CDH4: variants seen among roughly 807,000 people sequenced by gnomAD.
The protein encoded by CDH4 is cadherin-4.
A neutral mutation model predicts 86.0 loss-of-function variants in CDH4; 33 were observed. The ratio of observed to expected loss-of-function variants is 0.38; its 90% CI spans 0.29 to 0.51. The LOEUF (loss-of-function observed/expected upper bound fraction) is 0.51. Ranked by LOEUF, CDH4 falls within the 20% of genes least tolerant of loss-of-function variation. The probability of loss-of-function intolerance (pLI) is 0.86; values close to 1 mark genes in which losing one functional copy is unlikely to be tolerated. For synonymous variants in CDH4, 555 were observed against 549.4 expected (o/e 1.01, Z -0.14); for missense variants, 1,114 against 1,307.4 (o/e 0.85, Z 2.28).
chr20:61,932,985 C>G lies in CDH4; in HGVS notation c.2240C>G (p.Thr747Ser). Residue 747 changes from threonine (T) to serine (S), a missense_variant and splice_region_variant, in exon 14 of 16, where the codon ACC becomes AGC. By Grantham distance (58) the Thr-to-Ser change is moderately conservative. Around this residue, in one of 3 missense-constraint regions of CDH4, gnomAD observed 705 missense variants for 914.1 expected, o/e 0.77. Coordinates refer to ENST00000614565, the MANE Select transcript of CDH4 (RefSeq NM_001794.5). ...GCTCACGGGCAGCCCTCCCCCACAG[C>G]CATGGTCCTGCTGTTTGTCATGTGG... ...AILICILILLTMVLLFVMWMK... is the reference protein window; with the variant it reads ...AILICILILLSMVLLFVMWMK... 6.2e-7 allele frequency: 1 copy of G among 1,612,408 alleles called. No homozygotes were observed. The highest frequency in any genetic ancestry group is 8.5e-7 in the Non-Finnish European group (1 of 1,179,238).
intron 2 of CDH4, among the ~76,000 whole-genome samples, chr20:61,554,797 T>G (rs561440008): frequency 1.3e-5 from 2 of 152,256 alleles, no homozygotes; most frequent in East Asian, 3.9e-4. Flanking sequence ...TTTTCACACG[T>G]GCACATGTAT....
chr20:61,793,954 C>T (rs142527311), intron 4 of CDH4, among the ~76,000 whole-genome samples: 6,237 of 146,796 alleles, frequency 0.042, 191 homozygotes, highest in Middle Eastern at 0.087. Flanking sequence ...CTGACTAACA[C>T]GGTGAAACCT....
intron 2 of CDH4, among the ~76,000 whole-genome samples, chr20:61,303,669 C>T (rs1468377933): frequency 4.6e-5 from 7 of 152,210 alleles, no homozygotes; most frequent in East Asian, 3.9e-4. Flanking sequence ...TCACCTCCAG[C>T]GCCATTGCTT....
At position 61,929,909 on chromosome 20, in the gene CDH4, G is replaced by C. The variant is rs2298163; in HGVS notation, c.2239+67G>C. The C allele has an allele frequency of 8.3e-4, 1,081 of 1,297,798 alleles. 18 individuals carry two copies. The East Asian group carries it at 0.023, about 28-fold the overall frequency. 80.4% of individuals were successfully genotyped at this position (1,297,798 alleles called of 1,614,324 possible). On this transcript the variant is annotated intron_variant, in intron 13 of 15. Transcript: ENST00000614565. ...GTATGAGTGCCCTGTCCCAGGCATG[G>C]TGGGCAGAGGGGGGCCTGGATTTGC...
At chr20:61,608,314 T>A (rs531758868) in intron 2 of CDH4, among the ~76,000 whole-genome samples, 2 of 152,278 alleles carry the variant, frequency 1.3e-5, no homozygotes, top group South Asian at 4.1e-4. Context: ...GTTAATAAAT[T>A]TACCAAATGG....
At chr20:61,765,706 C>T (rs953879018) in intron 3 of CDH4, among the ~76,000 whole-genome samples, 7 of 152,076 alleles carry the variant, frequency 4.6e-5, no homozygotes, top group South Asian at 2.1e-4. Flanking sequence ...ACAGCAAGAC[C>T]GGGGCCAGGA....
chr20:61,566,475 G>A (rs556247763), intron 2 of CDH4, among the ~76,000 whole-genome samples: 45 of 152,218 alleles, frequency 3.0e-4, no homozygotes, highest in Admixed American at 1.2e-3. Context: ...GGTTGCCAGC[G>A]TAGAACGCTC....
At chr20:61,634,655 C>G (rs975578478) in intron 2 of CDH4, among the ~76,000 whole-genome samples, 5 of 152,242 alleles carry the variant, frequency 3.3e-5, no homozygotes, top group Non-Finnish European at 5.9e-5. Flanking sequence ...TTTTTTCCCA[C>G]TGTGGTAAAC....
rs557367688 is a variant in CDH4, at chr20:61,544,818, C to G, written c.170-198745C>G. On this transcript the variant is annotated intron_variant, in intron 2 of 15. Coordinates refer to ENST00000614565, the MANE Select transcript of CDH4 (RefSeq NM_001794.5). This position sits in a 1 kb window ranked among gnomAD's most constrained non-coding sequence, Gnocchi z 6.5. ...GCCCTCCCTGCCCCCGAGGAAGGAA[C>G]CTTGTTCCTCGGTTATAAAACTTGA... Among the ~76,000 whole-genome samples the G allele has an allele frequency of 3.3e-5, 5 of 152,068 alleles. No individual in the cohort carries two copies. Among genetic ancestry groups the G allele is most frequent in the Admixed American group, 1.3e-4 (2 of 15,280 alleles).
intron 2 of CDH4, among the ~76,000 whole-genome samples, chr20:61,276,066 C>T (rs554794613): frequency 1.1e-4 from 17 of 152,236 alleles, no homozygotes; most frequent in East Asian, 1.9e-4. Flanking sequence ...TGATACGGGA[C>T]GTGCAGAGAT....
chr20:61,429,755 GTGGATGGA>G lies in CDH4; in HGVS notation c.169+174842_169+174849del, dbSNP rs111226650. Among the ~76,000 whole-genome samples the G allele has an allele frequency of 5.7e-5, 8 of 141,310 alleles. No individual in the cohort carries two copies. In the East Asian group the frequency reaches 1.0e-3, roughly 18 times the overall value. The allele number at this position is 141,310 out of a possible 152,430, so 92.7% of individuals were successfully genotyped here. ...AATAGATGGATGGATGGATAGGTGT[GTGGATGGA>G]TGGATGGATGGATGGATGGATGGGT... On this transcript the variant is annotated intron_variant, in intron 2 of 15. Transcript: ENST00000614565.
chr20:61,741,860 A>C (rs1381651136), intron 2 of CDH4, among the ~76,000 whole-genome samples: 1 of 152,030 alleles, frequency 6.6e-6, no homozygotes, highest in Admixed American at 6.6e-5. Flanking sequence ...TTTTAACTAC[A>C]ACACTGTGTT....
intron 2 of CDH4, among the ~76,000 whole-genome samples, chr20:61,556,064 C>A (rs1181596465): frequency 6.6e-6 from 1 of 152,164 alleles, no homozygotes; most frequent in Admixed American, 6.5e-5. Flanking sequence ...TTGGTGTACC[C>A]CCCATGTGGG....
intron 2 of CDH4, among the ~76,000 whole-genome samples, chr20:61,694,059 A>T (rs2087690630): frequency 6.6e-6 from 1 of 151,056 alleles, no homozygotes; most frequent in Non-Finnish European, 1.5e-5. Flanking sequence ...CACCCAGCTA[A>T]TTTCTTGTAT....
chr20:61,632,486 G>A (rs2086898153), intron 2 of CDH4, among the ~76,000 whole-genome samples: 1 of 152,088 alleles, frequency 6.6e-6, no homozygotes, highest in Non-Finnish European at 1.5e-5. Context: ...GGGCCTCCGG[G>A]AAATGACTTT....
chr20:61,352,126 C>G (rs1473095863), intron 2 of CDH4, among the ~76,000 whole-genome samples: 2 of 152,174 alleles, frequency 1.3e-5, no homozygotes, highest in African/African-American at 4.8e-5. Flanking sequence ...TCTGTGCTCA[C>G]TCACCGTCTG....
At chr20:61,490,518 G>A (rs1425038212) in intron 2 of CDH4, among the ~76,000 whole-genome samples, 2 of 152,150 alleles carry the variant, frequency 1.3e-5, no homozygotes, top group Non-Finnish European at 2.9e-5. Context: ...GGCCAACGTG[G>A]TGAAACCCTG....
At chr20:61,309,572 A>G (rs1326037878) in intron 2 of CDH4, among the ~76,000 whole-genome samples, 2 of 152,248 alleles carry the variant, frequency 1.3e-5, no homozygotes, top group African/African-American at 4.8e-5. Flanking sequence ...AGGCAAAAAA[A>G]GGAGGGAAAA....
intron 2 of CDH4, among the ~76,000 whole-genome samples, chr20:61,538,266 C>G (rs1568883332): frequency 6.6e-6 from 1 of 152,172 alleles, no homozygotes; most frequent in Admixed American, 6.5e-5. Flanking sequence ...CAGCAGTGTC[C>G]TTTATCCCTC....
Sources: allele counts gnomAD v4.1 joint callset (sites outside exome capture counted in the v4.1 genomes callset), GRCh38; gene constraint gnomAD v4.1.1; regional missense constraint gnomAD v4.1.1; non-coding constraint Gnocchi (gnomAD v3.1); transcripts MANE v1.5; gene names NCBI Gene and HGNC (gene_info 2026-07-23, HGNC 2026-07-21).